The following GRB2 variants were observed in gnomAD, a reference collection of about 807,000 sequenced individuals.
GRB2 encodes growth factor receptor bound protein 2.
Under a neutral mutation model 27.4 loss-of-function variants are expected in GRB2, and 2 were observed. The observed-to-expected ratio is 0.07, with a 90% CI of 0.03 to 0.23. GRB2 has a LOEUF of 0.23. Among genes scored for constraint, GRB2 ranks in the 10% least tolerant of loss-of-function variants. GRB2 has a pLI of 1.00. For synonymous variants in GRB2, 94 were observed against 99.6 expected, an observed-to-expected ratio of 0.94 and a Z score of 0.33; for missense variants, 102 against 282.4, an observed-to-expected ratio of 0.36 and a Z score of 4.58.
chr17:75,393,906 C>T (rs998831822), intron 1 of GRB2, 141 bp from the exon 2 acceptor site: 18 of 488,238 alleles, frequency 3.7e-5, no homozygotes, highest in East Asian at 1.4e-4. Flanking sequence ...GGCAACAGCC[C>T]CCCCCCGCCG....
At chr17:75,333,931 C>T (rs61764602) in intron 2 of GRB2, among the ~76,000 whole-genome samples, 2,791 of 152,256 alleles carry the variant, frequency 0.018, 85 homozygotes, top group African/African-American at 0.064. Flanking sequence ...CCCAGACTTT[C>T]ATATTTCCAA....
At chr17:75,371,271 G>T (rs540593819) in intron 2 of GRB2, 1 of 151,896 alleles carries the variant, frequency 6.6e-6, no homozygotes, top group African/African-American at 2.4e-5. Context: ...TAACCAAGGT[G>T]CTGGCAAGGA....
chr17:75,359,488 A>T (rs1277380901), intron 2 of GRB2, among the ~76,000 whole-genome samples: 5 of 146,418 alleles, frequency 3.4e-5, no homozygotes, highest in Non-Finnish European at 7.5e-5. Context: ...CCTGGGTGAC[A>T]GAGTGAGGCA....
In GRB2 at chr17:75,349,767, G is replaced by A. The variant is rs539661302; in HGVS notation, c.79-16970C>T. ...ACTCCTGACCTCAGGTGATCCACCC[G>A]CCTCAGCCTCCCAAAATTTGTAATC... On this transcript the variant is annotated intron_variant, in intron 2 of 5. Transcript: ENST00000316804. Among the ~76,000 whole-genome samples the A allele has an allele frequency of 3.9e-5, 6 of 151,920 alleles. No homozygotes were observed. The South Asian group carries it at 6.2e-4, about 16-fold the overall frequency.
chr17:75,338,965 G>C, intron 2 of GRB2: 1 of 1,176,416 alleles, frequency 8.5e-7, no homozygotes. Flanking sequence ...GAAGCAGAGT[G>C]GCTATGGTGG....
At chr17:75,350,621 A>G (rs1390730745) in intron 2 of GRB2, among the ~76,000 whole-genome samples, 3 of 152,082 alleles carry the variant, frequency 2.0e-5, no homozygotes, top group East Asian at 3.9e-4. Context: ...CCTCCCAAAT[A>G]GCTGGAACTA....
chr17:75,320,645 G>T lies in GRB2; in HGVS notation c.469-92C>A. On this transcript the variant is annotated intron_variant, in intron 5 of 5. Transcript: ENST00000316804. This position sits in a 1 kb window ranked among gnomAD's most constrained non-coding sequence, Gnocchi z 4.3. ...AGATGGGTTCCAGGGGGAAACGAAT[G>T]CGTGCCAAATTCTCCATGTTTCTTA... is the stretch of plus-strand genomic sequence containing the variant. The T allele has an allele frequency of 1.1e-6, 1 of 876,124 alleles. No homozygotes were observed. Among genetic ancestry groups the T allele is most frequent in the Non-Finnish European group, 1.8e-6 (1 of 543,656 alleles). 54.3% of individuals were successfully genotyped at this position (876,124 alleles called of 1,614,324 possible).
At chr17:75,381,803 A>G (rs1393863157) in intron 2 of GRB2, among the ~76,000 whole-genome samples, 1 of 151,996 alleles carries the variant, frequency 6.6e-6, no homozygotes, top group Admixed American at 6.6e-5. Flanking sequence ...CCAAAAACAC[A>G]TACCCCTTTC....
chr17:75,374,861 C>G (rs2078881913), intron 2 of GRB2, among the ~76,000 whole-genome samples: 1 of 152,154 alleles, frequency 6.6e-6, no homozygotes, highest in African/African-American at 2.4e-5. Context: ...CATATACTCT[C>G]TGCACGGCAT....
chr17:75,397,036 T>G (rs2079032969), intron 1 of GRB2, among the ~76,000 whole-genome samples: 1 of 152,192 alleles, frequency 6.6e-6, no homozygotes, highest in Non-Finnish European at 1.5e-5. Context: ...GCTCATCTGC[T>G]GAAAGCTTAA....
chr17:75,366,500 CAAAAAAA>C (rs34051020), intron 2 of GRB2, among the ~76,000 whole-genome samples: 1 of 111,910 alleles, frequency 8.9e-6, no homozygotes, highest in African/African-American at 4.0e-5. Flanking sequence ...GATCAGCTTC[CAAAAAAA>C]AAAAAAAAAC....
chr17:75,350,651 G>A (rs150357611), intron 2 of GRB2, among the ~76,000 whole-genome samples: 35 of 152,206 alleles, frequency 2.3e-4, no homozygotes, highest in South Asian at 6.2e-4. Flanking sequence ...GTCACCACGC[G>A]CAGCTAATTT....
chr17:75,396,912 G>C (rs551619044), intron 1 of GRB2, among the ~76,000 whole-genome samples: 1 of 152,164 alleles, frequency 6.6e-6, no homozygotes, highest in African/African-American at 2.4e-5. Flanking sequence ...TATGTAGTAC[G>C]ACCAGCCATA....
intron 2 of GRB2, among the ~76,000 whole-genome samples, chr17:75,354,855 C>T (rs1447756228): frequency 6.6e-6 from 1 of 152,236 alleles, no homozygotes; most frequent in Non-Finnish European, 1.5e-5. Context: ...GCACTGAGAA[C>T]CCAGCCATAG....
intron 2 of GRB2, among the ~76,000 whole-genome samples, chr17:75,359,978 T>TAAA (rs143403187): frequency 7.0e-6 from 1 of 142,930 alleles, no homozygotes; most frequent in African/African-American, 2.6e-5. Context: ...CTTTCTGTCT[T>TAAA]AAAAAAAAAA....
At chr17:75,403,068 T>G (rs2079073570) in intron 1 of GRB2, among the ~76,000 whole-genome samples, 2 of 3,038 alleles carry the variant, frequency 6.6e-4, no homozygotes, top group South Asian at 0.012. Context: ...AGAGCGAGAA[T>G]CTGTCTCAAA....
intron 2 of GRB2, among the ~76,000 whole-genome samples, chr17:75,354,266 G>GT (rs2078714818): frequency 2.0e-5 from 2 of 99,118 alleles, no homozygotes; most frequent in Non-Finnish European, 4.7e-5. Context: ...TTTTTTTTTG[G>GT]GGGGGGGGGG....
At chr17:75,399,367 C>CTTT (rs71161208) in intron 1 of GRB2, among the ~76,000 whole-genome samples, 2 of 107,950 alleles carry the variant, frequency 1.9e-5, no homozygotes, top group African/African-American at 3.1e-5. Context: ...ACAATCTTTT[C>CTTT]TTTTTTTTTT....
In GRB2 at chr17:75,393,681, C is replaced by T. The variant is rs2079012412; in HGVS notation, c.-53G>A. 5 of 1,430,368 alleles carry T rather than the reference C, an allele frequency of 3.5e-6. No homozygotes were observed. Among genetic ancestry groups the T allele is most frequent in the Non-Finnish European group, 4.9e-6 (5 of 1,013,866 alleles). The allele number at this position is 1,430,368 out of a possible 1,614,324, so 88.6% of individuals were successfully genotyped here. A position where few individuals can be genotyped will look rare whatever the true frequency, so the allele number is the denominator to read the frequency against. ...CTGAAGCAGGGGGAAGGGAGTCTTC[C>T]CTGCTGAAGCAACCCAGCGCTCTGG... On this transcript the variant is annotated 5_prime_UTR_variant, in exon 2 of 6. Coordinates refer to ENST00000316804, the MANE Select transcript of GRB2 (RefSeq NM_002086.5).
Sources: allele counts gnomAD v4.1 joint callset (sites outside exome capture counted in the v4.1 genomes callset), GRCh38; gene constraint gnomAD v4.1.1; non-coding constraint Gnocchi (gnomAD v3.1); transcripts MANE v1.5; gene names NCBI Gene and HGNC (gene_info 2026-07-23, HGNC 2026-07-21).